The following CIAO2A variants were observed in gnomAD, a reference collection of about 807,000 sequenced individuals.
CIAO2A encodes MIP18 family protein FAM96A.
A neutral mutation model predicts 22.4 loss-of-function variants in CIAO2A; 17 were observed. The observed-to-expected ratio is 0.76, with a 90% CI of 0.52 to 1.14. The LOEUF (loss-of-function observed/expected upper bound fraction) is 1.14. Among genes scored for constraint, CIAO2A ranks in the 50% most tolerant of loss-of-function variants. CIAO2A has a pLI of 0.00. For synonymous variants in CIAO2A, 74 were observed against 72.3 expected, an observed-to-expected ratio of 1.02 and a Z score of -0.12; for missense variants, 192 against 191.4, an observed-to-expected ratio of 1.00 and a Z score of -0.02.
At chr15:64,091,529 G>A (rs1281264393) in intron 1 of CIAO2A, among the ~76,000 whole-genome samples, 1 of 151,644 alleles carries the variant, frequency 6.6e-6, no homozygotes, top group Non-Finnish European at 1.5e-5. Context: ...GGAAAACATA[G>A]GCAAGAAAGT....
chr15:64,075,905 C>T (rs899503385), intron 3 of CIAO2A, among the ~76,000 whole-genome samples: 15 of 151,650 alleles, frequency 9.9e-5, no homozygotes, highest in African/African-American at 3.6e-4. Flanking sequence ...TCAGGTGATC[C>T]GCCTCGGCTT....
At chr15:64,093,067 T>C (rs2080855338) in intron 1 of CIAO2A, among the ~76,000 whole-genome samples, 1 of 151,732 alleles carries the variant, frequency 6.6e-6, no homozygotes, top group Admixed American at 6.6e-5. Context: ...CATGGAAGAG[T>C]GTGTATGTGT....
At chr15:64,088,122 C>A (rs1167499440) in intron 2 of CIAO2A, among the ~76,000 whole-genome samples, 1 of 152,136 alleles carries the variant, frequency 6.6e-6, no homozygotes, top group Non-Finnish European at 1.5e-5. Flanking sequence ...TATAACAAAG[C>A]ATATGTTCAA....
At chr15:64,087,177 C>T (rs1327725392) in intron 2 of CIAO2A, among the ~76,000 whole-genome samples, 2 of 149,696 alleles carry the variant, frequency 1.3e-5, no homozygotes, top group African/African-American at 2.5e-5. Flanking sequence ...CTGCAAACTC[C>T]GCTTCCCGGG....
In CIAO2A at chr15:64,093,753, C is replaced by G. The variant is rs1426842855; in HGVS notation, c.16G>C (p.Gly6Arg). The stretch of plus-strand genomic sequence containing the variant: ...CTGCTCAGCGTCCAGGAGAGCAGCC[C>G]GGACACCCGCTGCATCTTCACGCTC... MQRVS[G>R]LLSWTLSRVL... Residue 6 changes from glycine to arginine, a missense_variant, in exon 1 of 5, where the codon GGG (glycine) becomes CGG (arginine). Transcript: ENST00000300030. 1 of 1,611,472 alleles carries G rather than the reference C, an allele frequency of 6.2e-7. No homozygotes were observed. Among genetic ancestry groups the G allele is most frequent in the African/African-American group, 1.3e-5 (1 of 74,850 alleles).
intron 1 of CIAO2A, 46 bp downstream of exon 1, chr15:64,093,599 G>A (rs781230611): frequency 6.3e-7 from 1 of 1,590,286 alleles, no homozygotes; most frequent in South Asian, 1.1e-5. Flanking sequence ...CTCAGCTCCG[G>A]CCTGCACCTA....
chr15:64,087,552 A>G (rs890509935), intron 2 of CIAO2A, among the ~76,000 whole-genome samples: 5 of 152,148 alleles, frequency 3.3e-5, no homozygotes, highest in African/African-American at 1.2e-4. Context: ...TAATAACCAC[A>G]ATAATACCTA....
chr15:64,088,566 A>G (rs1567308433), intron 2 of CIAO2A, 121 bp downstream of exon 2: 1 of 712,956 alleles, frequency 1.4e-6, no homozygotes, highest in South Asian at 2.5e-5. Context: ...TGTAAACCAT[A>G]AAGTGTAATA....
intron 3 of CIAO2A, among the ~76,000 whole-genome samples, chr15:64,080,336 C>T (rs138137126): frequency 0.012 from 1,743 of 151,364 alleles, 29 homozygotes; most frequent in African/African-American, 0.041. Context: ...TGCAGTGAGC[C>T]GAGATTGCAC....
At chr15:64,092,275 T>C (rs1356651264) in intron 1 of CIAO2A, among the ~76,000 whole-genome samples, 2 of 152,146 alleles carry the variant, frequency 1.3e-5, no homozygotes, top group African/African-American at 2.4e-5. Flanking sequence ...CTATCTGTCA[T>C]TTCCTATCTT....
chr15:64,076,466 C>G (rs2080718031), intron 3 of CIAO2A, among the ~76,000 whole-genome samples: 1 of 152,052 alleles, frequency 6.6e-6, no homozygotes, highest in African/African-American at 2.4e-5. Flanking sequence ...GTTAAGCTAT[C>G]CCTCCTGGCC....
Position 64,077,130 on chromosome 15 carries a change from G to C in CIAO2A, c.340-1593C>G, listed in dbSNP as rs954132672. ...GATCGAGACCATCCTGGCTAACACA[G>C]TAAAACCCCAACTCTACTAAAAATA... On this transcript the variant is annotated intron_variant, in intron 3 of 4. Transcript: ENST00000300030. 5.9e-5 allele frequency among the ~76,000 whole-genome samples: 9 copies of C among 152,126 alleles called. No homozygotes were observed. The South Asian group carries it at 6.2e-4, about 10-fold the overall frequency.
chr15:64,087,520 C>A (rs562553148), intron 2 of CIAO2A, among the ~76,000 whole-genome samples: 1 of 152,110 alleles, frequency 6.6e-6, no homozygotes, highest in Non-Finnish European at 1.5e-5. Flanking sequence ...TGAGCCACCA[C>A]GCCCGGTCAC....
chr15:64,088,160 C>A (rs2080812243), intron 2 of CIAO2A, among the ~76,000 whole-genome samples: 1 of 152,142 alleles, frequency 6.6e-6, no homozygotes, highest in Admixed American at 6.6e-5. Flanking sequence ...GCTAACAAAT[C>A]CAAAATACTG....
chr15:64,084,117 C>T (rs2080776484), intron 2 of CIAO2A, among the ~76,000 whole-genome samples: 1 of 152,140 alleles, frequency 6.6e-6, no homozygotes, highest in African/African-American at 2.4e-5. Context: ...TTCATGCACT[C>T]TCCTGATATT....
Position 64,072,980 on chromosome 15 carries a change from T to G in CIAO2A, c.434A>C (p.Asn145Thr). 1 of 1,613,692 alleles carries G rather than the reference T, an allele frequency of 6.2e-7. No homozygotes were observed. Among genetic ancestry groups the G allele is most frequent in the Non-Finnish European group, 8.5e-7 (1 of 1,179,822 alleles). Residue 145 changes from asparagine (N) to threonine (T), a missense_variant, in exon 5 of 5, where the codon AAC becomes ACC. By Grantham distance (65) the Asn-to-Thr change is moderately conservative (BLOSUM62 0). Coordinates refer to ENST00000300030, the MANE Select transcript of CIAO2A (RefSeq NM_032231.7). ...DKERVAAAME[N>T]PNLREIVEQC... ...TTCCACAATTTCCCGTAAGTTGGGG[T>G]TTTCCATTGCAGCTGCCACTCGCTC...
intron 3 of CIAO2A, among the ~76,000 whole-genome samples, chr15:64,076,325 AC>A (rs1567304480): frequency 6.6e-6 from 1 of 152,062 alleles, no homozygotes; most frequent in African/African-American, 2.4e-5. Context: ...ACACACACAC[AC>A]CCACATATCA....
At chr15:64,085,036 G>GA (rs71133406) in intron 2 of CIAO2A, among the ~76,000 whole-genome samples, 2 of 150,768 alleles carry the variant, frequency 1.3e-5, no homozygotes, top group African/African-American at 2.4e-5. Context: ...AAGCTCCAGT[G>GA]GCCACTACAC....
intron 2 of CIAO2A, 53 bp from the exon 3 acceptor site, chr15:64,081,204 T>C (rs935434988): frequency 1.6e-5 from 25 of 1,560,234 alleles, no homozygotes; most frequent in Middle Eastern, 3.4e-4. Context: ...TCTTATTGGT[T>C]CTTGAAAAAG....
Sources: gnomAD v4.1 joint callset for allele counts (sites outside exome capture counted in the v4.1 genomes callset) on GRCh38, gnomAD v4.1.1 for gene constraint, MANE v1.5 for transcripts, NCBI Gene and HGNC (gene_info 2026-07-23, HGNC 2026-07-21) for gene names.